The following CCDC175 variants were observed in gnomAD, a reference collection of about 807,000 sequenced individuals.
The protein encoded by CCDC175 is coiled-coil domain-containing protein 175.
Under a neutral mutation model 114.6 loss-of-function variants are expected in CCDC175, and 100 were observed. That is an observed-to-expected ratio of 0.87 (90% confidence interval 0.74 to 1.03). The LOEUF is 1.03. Ranked by LOEUF, CCDC175 falls within the 50% of genes least tolerant of loss-of-function variation. The pLI is 0.00. For missense variants in CCDC175, 880 were observed against 917.8 expected (o/e 0.96, Z 0.53); for synonymous variants, 306 against 308.7 (o/e 0.99, Z 0.09).
intron 11 of CCDC175, 117 bp downstream of exon 11, chr14:59,540,558 A>G: frequency 1.7e-6 from 2 of 1,155,968 alleles, no homozygotes; most frequent in Non-Finnish European, 2.4e-6. Flanking sequence ...TAATTTAGGA[A>G]AATCATTCCC....
At chr14:59,533,040 A>T (rs897143218) in intron 13 of CCDC175, among the ~76,000 whole-genome samples, 1 of 152,202 alleles carries the variant, frequency 6.6e-6, no homozygotes, top group Non-Finnish European at 1.5e-5. Context: ...CCTTATTGGG[A>T]GGTGTCTGCA....
chr14:59,562,764 C>G (rs1896295476), intron 6 of CCDC175, among the ~76,000 whole-genome samples: 1 of 152,170 alleles, frequency 6.6e-6, no homozygotes, highest in African/African-American at 2.4e-5. Flanking sequence ...GAGGCCACAA[C>G]TGGAAATATG....
chr14:59,554,751 C>G (rs1252843985), intron 7 of CCDC175, among the ~76,000 whole-genome samples: 2 of 152,066 alleles, frequency 1.3e-5, no homozygotes, highest in African/African-American at 4.8e-5. Context: ...AGAGAAGAAT[C>G]AAATAGACGC....
intron 7 of CCDC175, among the ~76,000 whole-genome samples, chr14:59,555,174 T>C (rs975354597): frequency 2.0e-5 from 3 of 152,160 alleles, no homozygotes; most frequent in Admixed American, 2.0e-4. Flanking sequence ...AAGAGAATTT[T>C]AGACCAATAT....
At chr14:59,542,687 T>C (rs754936284) in intron 10 of CCDC175, among the ~76,000 whole-genome samples, 3 of 152,096 alleles carry the variant, frequency 2.0e-5, no homozygotes, top group Non-Finnish European at 1.5e-5. Flanking sequence ...TGTTTTGAAA[T>C]AGTTTTAAAC....
intron 9 of CCDC175, among the ~76,000 whole-genome samples, chr14:59,544,883 G>A (rs1048619110): frequency 2.0e-5 from 3 of 152,126 alleles, no homozygotes; most frequent in African/African-American, 7.2e-5. Flanking sequence ...GAGAGAAAGC[G>A]GCTGGGTGGC....
intron 7 of CCDC175, among the ~76,000 whole-genome samples, chr14:59,554,388 G>T (rs1198452930): frequency 6.6e-6 from 1 of 152,154 alleles, no homozygotes; most frequent in Non-Finnish European, 1.5e-5. Context: ...TGAAATGAAG[G>T]CAGAAATAAA....
chr14:59,514,656 T>C (rs1308465760), intron 17 of CCDC175, among the ~76,000 whole-genome samples: 1 of 152,106 alleles, frequency 6.6e-6, no homozygotes, highest in Non-Finnish European at 1.5e-5. Flanking sequence ...CCAAGAAATA[T>C]GGGAGTATGT....
chr14:59,567,016 G>A (rs74057807), intron 4 of CCDC175, among the ~76,000 whole-genome samples: 8,526 of 152,260 alleles, frequency 0.056, 306 homozygotes, highest in Middle Eastern at 0.11. Context: ...AGCAATTTTG[G>A]AAGCAAGTCC....
rs1893678579 is a variant in CCDC175, at chr14:59,525,325, T to C, written c.1952A>G (p.Gln651Arg). 6.8e-7 allele frequency: 1 copy of C among 1,471,318 alleles called. No homozygotes were observed. The allele number at this position is 1,471,318 out of a possible 1,614,324, so 91.1% of individuals were successfully genotyped here. Residue 651 changes from glutamine (Q) to arginine (R), a missense_variant, in exon 16 of 20, where the codon CAA (glutamine) becomes CGA (arginine). Coordinates refer to ENST00000537690, the MANE Select transcript of CCDC175 (RefSeq NM_001164399.2). ...TTCCAGGAGCAGAAGATCTGCTTTTTGGTCATTTATATAGAATCCATTTTC... is the reference window on the plus strand; with the variant it reads ...TTCCAGGAGCAGAAGATCTGCTTTTCGGTCATTTATATAGAATCCATTTTC... ...NLENGFYIND[Q>R]KADLLLLENK...
intron 13 of CCDC175, among the ~76,000 whole-genome samples, chr14:59,535,063 T>G (rs1252779113): frequency 6.6e-6 from 1 of 152,190 alleles, no homozygotes; most frequent in Non-Finnish European, 1.5e-5. Flanking sequence ...GTTGCTTCCT[T>G]CTAATTTTGG....
intron 19 of CCDC175, among the ~76,000 whole-genome samples, chr14:59,506,275 A>ATTTTTTTTTTTTTTTTT (rs35322741): frequency 2.9e-5 from 4 of 136,032 alleles, no homozygotes; most frequent in Admixed American, 7.5e-5. Context: ...GAGCACAGGG[A>ATTTTTTTTTTTTTTTTT]TTTTTTTTTT....
chr14:59,505,181 G>T lies in CCDC175; in HGVS notation c.*58C>A. On this transcript the variant is annotated 3_prime_UTR_variant, in exon 20 of 20. Transcript: ENST00000537690. Reference sequence around the variant, plus strand: ...ACAGCTGCAAAATATGAAAGTAAGTGCACTCACTTTTCCTGTAGTAGTCTG... The same window carrying T: ...ACAGCTGCAAAATATGAAAGTAAGTTCACTCACTTTTCCTGTAGTAGTCTG... 1.2e-6 allele frequency: 1 copy of T among 843,362 alleles called. No individual in the cohort carries two copies. The highest frequency in any genetic ancestry group is 2.7e-5 in the East Asian group (1 of 36,414). 52.2% of individuals were successfully genotyped at this position (843,362 alleles called of 1,614,324 possible). A position where few individuals can be genotyped will look rare whatever the true frequency, so the allele number is the denominator to read the frequency against.
At chr14:59,561,040 A>G in intron 7 of CCDC175, 79 bp downstream of exon 7, 1 of 634,826 alleles carries the variant, frequency 1.6e-6, no homozygotes, top group Non-Finnish European at 2.5e-6. Flanking sequence ...TTTAAAAATG[A>G]AAACATAGCA....
In CCDC175 at chr14:59,568,375, C is replaced by A. The variant is rs1896672613; in HGVS notation, c.361G>T (p.Val121Phe). ...AGATTTAATCTGCGAGCGTCTCGGA[C>A]ACATTCTTCAAAGTAAGTGGAAATA... is the stretch of plus-strand genomic sequence containing the variant. ...NSIKRELEEC[V>F]RDARRLNLFE... Residue 121 changes from valine to phenylalanine, a missense_variant, in exon 4 of 20, where the codon GTC becomes TTC. Physicochemically the swap from Val to Phe is conservative, Grantham distance 50 (BLOSUM62 -1). Transcript: ENST00000537690. The A allele has an allele frequency of 6.6e-7, 1 of 1,510,462 alleles. No individual in the cohort carries two copies. Among genetic ancestry groups the A allele is most frequent in the Non-Finnish European group, 8.8e-7 (1 of 1,138,272 alleles). 93.6% of individuals were successfully genotyped at this position (1,510,462 alleles called of 1,614,324 possible).
At chr14:59,524,002 G>GA (rs34354745) in intron 16 of CCDC175, among the ~76,000 whole-genome samples, 65,325 of 147,404 alleles carry the variant, frequency 0.44, 14,814 homozygotes, top group African/African-American at 0.56. Flanking sequence ...AAAGAAAAAA[G>GA]AAAAAAAAAA....
intron 8 of CCDC175, among the ~76,000 whole-genome samples, chr14:59,546,858 TA>T (rs1895140867): frequency 6.6e-6 from 1 of 151,764 alleles, no homozygotes; most frequent in Non-Finnish European, 1.5e-5. Context: ...AATAAATAAA[TA>T]AAAAAGAATG....
chr14:59,555,617 C>T (rs924884913), intron 7 of CCDC175, among the ~76,000 whole-genome samples: 6 of 152,112 alleles, frequency 3.9e-5, no homozygotes, highest in African/African-American at 9.7e-5. Context: ...CTAGCCAGGG[C>T]AATCAGGCAG....
At chr14:59,567,828 C>T (rs1466697980) in intron 4 of CCDC175, among the ~76,000 whole-genome samples, 2 of 152,156 alleles carry the variant, frequency 1.3e-5, no homozygotes, top group Non-Finnish European at 2.9e-5. Flanking sequence ...TACAATAGGT[C>T]TGGTTTGACA....
Sources: gnomAD v4.1 joint callset for allele counts (sites outside exome capture counted in the v4.1 genomes callset) on GRCh38, gnomAD v4.1.1 for gene constraint, MANE v1.5 for transcripts, NCBI Gene and HGNC (gene_info 2026-07-23, HGNC 2026-07-21) for gene names.